The following COMMD1 variants were observed in gnomAD, a reference collection of about 807,000 sequenced individuals.
COMMD1 encodes copper metabolism domain containing 1, also known as COMM domain-containing protein 1.
A neutral mutation model predicts 17.2 loss-of-function variants in COMMD1; 10 were observed. That is an observed-to-expected ratio of 0.58 (90% CI 0.36 to 0.99). The LOEUF (loss-of-function observed/expected upper bound fraction) is 0.99. COMMD1 is among the 50% of genes least tolerant of loss of function. The pLI is 0.01. For missense variants in COMMD1, 270 were observed against 231.8 expected, an observed-to-expected ratio of 1.17 and a Z score of -1.07; for synonymous variants, 97 against 91.6, an observed-to-expected ratio of 1.06 and a Z score of -0.34.
chr2:61,938,884 G>A lies in COMMD1; in HGVS notation c.180+33026G>A, dbSNP rs143512572. 1.3e-3 allele frequency among the ~76,000 whole-genome samples: 202 copies of A among 152,202 alleles called. 1 individual carries two copies. Among genetic ancestry groups the A allele is most frequent in the Admixed American group, 3.1e-3 (47 of 15,292 alleles). ...TATTTGTATGTCAGAACAGAAAAAG[G>A]AACCTCTTCCATTAGGGCACCAACT... On this transcript the variant is annotated intron_variant, in intron 1 of 2. Coordinates refer to ENST00000311832, the MANE Select transcript of COMMD1 (RefSeq NM_152516.4).
upstream of COMMD1, chr2:61,888,683 G>A: frequency 2.8e-6 from 2 of 706,942 alleles, no homozygotes; most frequent in Non-Finnish European, 4.5e-6. Context: ...CGCGGCGCTG[G>A]CGTGACGTAG....
intron 1 of COMMD1, among the ~76,000 whole-genome samples, chr2:61,890,595 C>G (rs1336608273): frequency 6.6e-6 from 1 of 152,056 alleles, no homozygotes; most frequent in East Asian, 1.9e-4. Context: ...AATCCCAGCA[C>G]TTTGGGAGGC....
At chr2:61,977,243 T>C (rs1203825539) in intron 1 of COMMD1, among the ~76,000 whole-genome samples, 54 of 118,440 alleles carry the variant, frequency 4.6e-4, no homozygotes, top group African/African-American at 2.3e-3. Flanking sequence ...AAAGTTTGCT[T>C]TTTTTTTTTT....
At position 62,125,523 on chromosome 2, in the gene COMMD1, A is replaced by G. The variant is rs561612812; in HGVS notation, c.463-10308A>G. Reference sequence around the variant, plus strand: ...ATAGTAGATGTGGGACTTATTGGCTATTGTGTTTGAAATGAGGCTATGTCT... The same window carrying G: ...ATAGTAGATGTGGGACTTATTGGCTGTTGTGTTTGAAATGAGGCTATGTCT... On this transcript the variant is annotated intron_variant, in intron 2 of 2. Transcript: ENST00000311832. Among the ~76,000 whole-genome samples the G allele has an allele frequency of 6.6e-5, 10 of 152,148 alleles. No individual in the cohort carries two copies. In the South Asian group the frequency reaches 1.5e-3, roughly 22 times the overall value.
At chr2:62,055,153 T>C (rs1257380294) in intron 2 of COMMD1, among the ~76,000 whole-genome samples, 2 of 152,346 alleles carry the variant, frequency 1.3e-5, no homozygotes, top group East Asian at 1.9e-4. Context: ...TAGTGGCAAG[T>C]GAGCTGCATC....
At chr2:62,075,221 A>G (rs1350939670) in intron 2 of COMMD1, among the ~76,000 whole-genome samples, 7 of 152,040 alleles carry the variant, frequency 4.6e-5, no homozygotes, top group Admixed American at 4.6e-4. Context: ...TTTCAATTAC[A>G]TGTCAGTGTT....
At chr2:62,006,154 A>G (rs1669109403) in intron 2 of COMMD1, among the ~76,000 whole-genome samples, 1 of 127,576 alleles carries the variant, frequency 7.8e-6, no homozygotes, top group Admixed American at 9.9e-5. Flanking sequence ...ATGAGAACAC[A>G]TGGACACAGG....
intron 1 of COMMD1, among the ~76,000 whole-genome samples, chr2:61,924,196 A>G (rs923237519): frequency 6.6e-6 from 1 of 152,148 alleles, no homozygotes; most frequent in African/African-American, 2.4e-5. Context: ...ATATGGAGCC[A>G]CCCACTCTTA....
intron 1 of COMMD1, among the ~76,000 whole-genome samples, chr2:61,906,627 T>C (rs1355543280): frequency 1.8e-5 from 2 of 113,340 alleles, no homozygotes; most frequent in African/African-American, 1.1e-4. Context: ...GAACTAGTTA[T>C]AGGAATGTAG....
chr2:62,027,137 A>G (rs1351248333), intron 2 of COMMD1, among the ~76,000 whole-genome samples: 1 of 152,198 alleles, frequency 6.6e-6, no homozygotes, highest in African/African-American at 2.4e-5. Context: ...GTAAATCCCA[A>G]TCATTGATGT....
At chr2:61,984,903 C>CT (rs796922521) in intron 1 of COMMD1, among the ~76,000 whole-genome samples, 1,554 of 147,156 alleles carry the variant, frequency 0.011, 32 homozygotes, top group African/African-American at 0.035. Flanking sequence ...CATATAATGA[C>CT]TTTTTTTTTT....
intron 1 of COMMD1, chr2:61,928,578 A>T (rs914962009): frequency 2.0e-5 from 3 of 152,218 alleles, no homozygotes; most frequent in African/African-American, 7.2e-5. Flanking sequence ...TTTATAGGAC[A>T]TGCTACCCCA....
At chr2:62,080,872 C>G (rs1416999042) in intron 2 of COMMD1, among the ~76,000 whole-genome samples, 2 of 150,946 alleles carry the variant, frequency 1.3e-5, no homozygotes, top group Non-Finnish European at 1.5e-5. Flanking sequence ...GGCCAACTCT[C>G]TGGCTCAACA....
intron 2 of COMMD1, among the ~76,000 whole-genome samples, chr2:62,012,270 TACACACACACAC>T (rs57739132): frequency 5.8e-4 from 76 of 129,936 alleles, no homozygotes; most frequent in South Asian, 1.8e-3. Flanking sequence ...CACACACACA[TACACACACACAC>T]ACACACACAC....
chr2:62,110,784 A>G (rs918072430), intron 2 of COMMD1, among the ~76,000 whole-genome samples: 1 of 152,118 alleles, frequency 6.6e-6, no homozygotes, highest in African/African-American at 2.4e-5. Flanking sequence ...CTTATCTGGG[A>G]CACCGTTCAA....
intron 1 of COMMD1, among the ~76,000 whole-genome samples, chr2:61,961,831 ATTAAT>A (rs1211431509): frequency 6.6e-6 from 1 of 152,006 alleles, no homozygotes; most frequent in Non-Finnish European, 1.5e-5. Flanking sequence ...ATTTCCAGAT[ATTAAT>A]TTCTCATTTG....
intron 1 of COMMD1, among the ~76,000 whole-genome samples, chr2:61,945,974 T>C (rs1204865765): frequency 6.6e-6 from 1 of 152,180 alleles, no homozygotes; most frequent in African/African-American, 2.4e-5. Flanking sequence ...TTAATGTTGA[T>C]GCTAGAGGGG....
intron 2 of COMMD1, chr2:62,100,463 C>T (rs1420306777): frequency 6.6e-6 from 1 of 152,142 alleles, no homozygotes; most frequent in Non-Finnish European, 1.5e-5. Context: ...TGGTTTTATA[C>T]ATTTTAGGGA....
At chr2:62,126,314 A>G (rs1468776411) in intron 2 of COMMD1, among the ~76,000 whole-genome samples, 2 of 152,240 alleles carry the variant, frequency 1.3e-5, no homozygotes, top group Admixed American at 6.5e-5. Context: ...GTCAAATGGT[A>G]TTTCTGGTTC....
Sources: allele counts gnomAD v4.1 joint callset (sites outside exome capture counted in the v4.1 genomes callset), GRCh38; gene constraint gnomAD v4.1.1; transcripts MANE v1.5; gene names NCBI Gene and HGNC (gene_info 2026-07-23, HGNC 2026-07-21).